The following PUM2 variants were observed in gnomAD, a reference collection of about 807,000 sequenced individuals.
The protein encoded by PUM2 is pumilio homolog 2.
In PUM2, 57 loss-of-function variants were observed where a neutral mutation model predicts 124.5. That is an observed-to-expected ratio of 0.46 (90% CI 0.37 to 0.57). The LOEUF is 0.57. PUM2 is among the 20% of genes least tolerant of loss of function. The pLI, the probability that PUM2 is intolerant of heterozygous loss-of-function variation, is 0.00. For synonymous variants in PUM2, 460 were observed against 446.1 expected (o/e 1.03, Z -0.39); for missense variants, 1,065 against 1,290.6 (o/e 0.83, Z 2.68).
At chr2:20,336,147 T>C (rs1424427985) in intron 1 of PUM2, among the ~76,000 whole-genome samples, 2 of 152,216 alleles carry the variant, frequency 1.3e-5, no homozygotes, top group African/African-American at 2.4e-5. Context: ...ATGACAAGCT[T>C]TAGAAAACTG....
chr2:20,344,178 G>A (rs1041787577), intron 1 of PUM2, among the ~76,000 whole-genome samples: 2 of 151,936 alleles, frequency 1.3e-5, no homozygotes, highest in South Asian at 4.1e-4. Context: ...AGAGATCCTC[G>A]CGCCTCAGCC....
At chr2:20,311,391 G>A (rs952319537) in intron 5 of PUM2, 103 bp downstream of exon 5, 9 of 1,291,442 alleles carry the variant, frequency 7.0e-6, no homozygotes, top group Non-Finnish European at 9.3e-6. Context: ...AAGTTCAAAG[G>A]AAATAAACCT....
intron 13 of PUM2, among the ~76,000 whole-genome samples, chr2:20,271,576 A>G (rs1370337460): frequency 6.6e-6 from 1 of 152,090 alleles, no homozygotes; most frequent in Non-Finnish European, 1.5e-5. Flanking sequence ...AGCCTCCCAA[A>G]ATGCTGGGAT....
At chr2:20,297,966 T>C (rs1185464595) in intron 7 of PUM2, among the ~76,000 whole-genome samples, 3 of 152,168 alleles carry the variant, frequency 2.0e-5, no homozygotes, top group African/African-American at 4.8e-5. Context: ...AAAATATAAA[T>C]TCAAAAAGAA....
At chr2:20,343,252 G>C (rs902284352) in intron 1 of PUM2, among the ~76,000 whole-genome samples, 1 of 152,016 alleles carries the variant, frequency 6.6e-6, no homozygotes, top group African/African-American at 2.4e-5. Flanking sequence ...AAATTAGCTG[G>C]GTGTACTGGT....
At chr2:20,333,382 A>G (rs1685315342) in intron 1 of PUM2, among the ~76,000 whole-genome samples, 1 of 152,100 alleles carries the variant, frequency 6.6e-6, no homozygotes, top group African/African-American at 2.4e-5. Context: ...AAAAATTAAA[A>G]AATTAGCTGG....
At chr2:20,269,696 T>C (rs1211557669) in intron 13 of PUM2, among the ~76,000 whole-genome samples, 2 of 152,162 alleles carry the variant, frequency 1.3e-5, no homozygotes, top group Non-Finnish European at 2.9e-5. Flanking sequence ...AAGCAAACAT[T>C]AGATGCAAAT....
chr2:20,329,802 T>C (rs1175602243), intron 1 of PUM2, among the ~76,000 whole-genome samples: 3 of 152,202 alleles, frequency 2.0e-5, no homozygotes, highest in South Asian at 4.1e-4. Context: ...TCTGATTTAG[T>C]TGGGTGTTAC....
intron 13 of PUM2, among the ~76,000 whole-genome samples, chr2:20,276,095 A>T (rs917376064): frequency 1.3e-5 from 2 of 152,064 alleles, no homozygotes; most frequent in Non-Finnish European, 2.9e-5. Context: ...TATTAGAATA[A>T]GCAACAGAGC....
intron 8 of PUM2, 131 bp from the exon 9 acceptor site, chr2:20,294,649 A>C: frequency 9.2e-7 from 1 of 1,085,170 alleles, no homozygotes; most frequent in Non-Finnish European, 1.3e-6. Context: ...TTATAATAAA[A>C]GACAAAGTAT....
chr2:20,325,983 A>G (rs1457377338), intron 2 of PUM2, among the ~76,000 whole-genome samples: 1 of 152,206 alleles, frequency 6.6e-6, no homozygotes, highest in African/African-American at 2.4e-5. Flanking sequence ...AGAAGGTTGA[A>G]GCACTGTTCA....
intron 2 of PUM2, chr2:20,326,310 T>C: frequency 7.7e-7 from 1 of 1,303,962 alleles, no homozygotes; most frequent in Non-Finnish European, 1.0e-6. Context: ...AACGCTGTTC[T>C]GAAGAAGGGG....
intron 7 of PUM2, among the ~76,000 whole-genome samples, chr2:20,305,099 A>G (rs1352385506): frequency 6.6e-6 from 1 of 152,158 alleles, no homozygotes; most frequent in Non-Finnish European, 1.5e-5. Context: ...TTTCAAATTT[A>G]TTTATATTAG....
chr2:20,285,356 A>G lies in PUM2; in HGVS notation c.1292-1870T>C, dbSNP rs989600098. On this transcript the variant is annotated intron_variant, in intron 10 of 20. Transcript: ENST00000361078. Reference sequence around the variant, plus strand: ...TGTGGTCTGAGATTGATATAAAAAGATATCAATCCACACTCTTGCTCCAAA... The same window carrying G: ...TGTGGTCTGAGATTGATATAAAAAGGTATCAATCCACACTCTTGCTCCAAA... Among the ~76,000 whole-genome samples, 5 of 152,206 alleles carry G rather than the reference A, an allele frequency of 3.3e-5. No homozygotes were observed. In the East Asian group the frequency reaches 9.6e-4, roughly 29 times the overall value.
At chr2:20,289,099 G>C (rs776685760) in intron 10 of PUM2, among the ~76,000 whole-genome samples, 3 of 151,856 alleles carry the variant, frequency 2.0e-5, no homozygotes, top group African/African-American at 7.3e-5. Context: ...AAGACCAGCC[G>C]GCCAATATGG....
intron 7 of PUM2, among the ~76,000 whole-genome samples, chr2:20,305,943 G>A (rs1203649837): frequency 6.6e-6 from 1 of 152,176 alleles, no homozygotes; most frequent in East Asian, 1.9e-4. Flanking sequence ...GATGTCAGCA[G>A]GGCACGGTGG....
At chr2:20,260,067 C>T (rs1342915372) in intron 15 of PUM2, among the ~76,000 whole-genome samples, 4 of 152,048 alleles carry the variant, frequency 2.6e-5, no homozygotes, top group Non-Finnish European at 5.9e-5. Flanking sequence ...GCCTATGTGG[C>T]CTTTTGTATT....
At position 20,283,454 on chromosome 2, in the gene PUM2, C is replaced by A. The variant is rs1251928817; in HGVS notation, c.1324G>T (p.Asp442Tyr). ...YQVLAPTAYY[D>Y]QTGALVVGPG... Reference sequence around the variant, plus strand: ...CCAACCACTAAGGCACCAGTCTGATCATAATAGGCAGTTGGAGCTAGTACT... The same window carrying A: ...CCAACCACTAAGGCACCAGTCTGATAATAATAGGCAGTTGGAGCTAGTACT... Residue 442 changes from aspartate (D) to tyrosine (Y), a missense_variant, in exon 11 of 21, where the codon GAT (aspartate) becomes TAT (tyrosine). Coordinates refer to ENST00000361078, the MANE Select transcript of PUM2 (RefSeq NM_015317.5). 1.2e-6 allele frequency: 2 copies of A among 1,613,846 alleles called. No individual in the cohort carries two copies. Among genetic ancestry groups the A allele is most frequent in the Admixed American group, 1.7e-5 (1 of 59,956 alleles).
intron 9 of PUM2, among the ~76,000 whole-genome samples, chr2:20,293,474 C>T (rs377099846): frequency 1.1e-4 from 16 of 152,238 alleles, no homozygotes; most frequent in Admixed American, 7.2e-4. Flanking sequence ...TTTGAAAGGT[C>T]GAGGTGGGTG....
Sources: allele counts gnomAD v4.1 joint callset (sites outside exome capture counted in the v4.1 genomes callset), GRCh38; gene constraint gnomAD v4.1.1; transcripts MANE v1.5; gene names NCBI Gene and HGNC (gene_info 2026-07-23, HGNC 2026-07-21).